The following DIPK1C variants were observed in gnomAD, a reference collection of about 807,000 sequenced individuals.
The protein encoded by DIPK1C is familial non-conventional Alzheimer's dementia.
In DIPK1C, 33 loss-of-function variants were observed where a neutral mutation model predicts 28.0. The ratio of observed to expected loss-of-function variants is 1.18; its 90% CI spans 0.89 to 1.58. DIPK1C has a LOEUF of 1.58. DIPK1C is among the 40% of genes most tolerant of loss of function. The probability of loss-of-function intolerance (pLI) is 0.00; values close to 1 mark genes in which losing one functional copy is unlikely to be tolerated. For synonymous variants in DIPK1C, 255 were observed against 248.8 expected, an observed-to-expected ratio of 1.02 and a Z score of -0.23; for missense variants, 569 against 568.5, an observed-to-expected ratio of 1.00 and a Z score of -0.01.
At chr18:74,462,595 C>T (rs188882283), upstream of DIPK1C, among the ~76,000 whole-genome samples, 3 of 151,538 alleles carry the variant, frequency 2.0e-5, no homozygotes, top group Admixed American at 6.6e-5. Flanking sequence ...CTTATGTGGA[C>T]GTATGTTTTT....
upstream of DIPK1C, among the ~76,000 whole-genome samples, chr18:74,457,520 CT>C (rs1162183720): frequency 1.3e-5 from 2 of 152,162 alleles, no homozygotes; most frequent in Non-Finnish European, 2.9e-5. Flanking sequence ...TCTTTTTGCA[CT>C]TTTTTCCCCC....
chr18:74,441,123 G>C (rs1052538900), intron 3 of DIPK1C, among the ~76,000 whole-genome samples: 1 of 152,166 alleles, frequency 6.6e-6, no homozygotes, highest in Admixed American at 6.5e-5. Flanking sequence ...CCTGCGTTTT[G>C]GGTCTGCAGT....
At chr18:74,454,438 C>T (rs1027953295) in intron 1 of DIPK1C, among the ~76,000 whole-genome samples, 12 of 152,198 alleles carry the variant, frequency 7.9e-5, no homozygotes, top group East Asian at 1.9e-4. Flanking sequence ...CCCCGCCAGG[C>T]GAGAGCCTGG....
chr18:74,442,545 G>A (rs1468797870), intron 2 of DIPK1C, among the ~76,000 whole-genome samples: 1 of 152,154 alleles, frequency 6.6e-6, no homozygotes, highest in Non-Finnish European at 1.5e-5. Context: ...TAGCCAGGAT[G>A]GTCTCGATCT....
At chr18:74,442,573 C>T (rs189162961) in intron 2 of DIPK1C, among the ~76,000 whole-genome samples, 54 of 152,348 alleles carry the variant, frequency 3.5e-4, no homozygotes, top group Admixed American at 9.1e-4. Flanking sequence ...TCCTGATCTG[C>T]CCGCCTCGGC....
chr18:74,452,799 G>T (rs1444083351), intron 1 of DIPK1C, among the ~76,000 whole-genome samples: 3 of 151,182 alleles, frequency 2.0e-5, no homozygotes, highest in African/African-American at 7.3e-5. Context: ...AAATAGCTGG[G>T]TTTTTTTTTA....
At chr18:74,452,360 G>T (rs1453485650) in intron 1 of DIPK1C, among the ~76,000 whole-genome samples, 1 of 152,090 alleles carries the variant, frequency 6.6e-6, no homozygotes, top group Non-Finnish European at 1.5e-5. Context: ...TGTTCTGCAT[G>T]TCTGTGCCTG....
upstream of DIPK1C, among the ~76,000 whole-genome samples, chr18:74,459,817 C>T (rs1051066221): frequency 6.6e-5 from 10 of 152,144 alleles, no homozygotes; most frequent in South Asian, 2.1e-4. Flanking sequence ...CCTTGTCCTG[C>T]GCCTCTTCCC....
rs1986072552 is a variant in DIPK1C, at chr18:74,439,567, G to A, written c.1041+2385C>T. ...GTGGTAGCTCAAGCCTGTAATCCCA[G>A]AATTTTGGGAGGCCAAGATGGGAGG... On this transcript the variant is annotated intron_variant, in intron 3 of 3. Transcript: ENST00000343998. Among the ~76,000 whole-genome samples, 3 of 152,188 alleles carry A rather than the reference G, an allele frequency of 2.0e-5. No homozygotes were observed. The South Asian group carries it at 6.2e-4, about 32-fold the overall frequency.
chr18:74,462,340 G>A (rs1452900010), upstream of DIPK1C, among the ~76,000 whole-genome samples: 5 of 152,180 alleles, frequency 3.3e-5, no homozygotes, highest in Admixed American at 6.5e-5. Flanking sequence ...CATAGAGCAG[G>A]CATCTTTTGC....
At chr18:74,438,703 C>G (rs1005309531) in intron 3 of DIPK1C, among the ~76,000 whole-genome samples, 30 of 152,160 alleles carry the variant, frequency 2.0e-4, no homozygotes, top group Non-Finnish European at 3.8e-4. Flanking sequence ...GGATATTGCC[C>G]TTGCTTTAGG....
At chr18:74,442,541 G>A (rs1484040522) in intron 2 of DIPK1C, among the ~76,000 whole-genome samples, 5 of 152,150 alleles carry the variant, frequency 3.3e-5, no homozygotes, top group African/African-American at 1.2e-4. Context: ...GTGTTAGCCA[G>A]GATGGTCTCG....
At chr18:74,461,099 G>A (rs992768060), upstream of DIPK1C, among the ~76,000 whole-genome samples, 5 of 152,210 alleles carry the variant, frequency 3.3e-5, no homozygotes, top group African/African-American at 1.2e-4. Flanking sequence ...GGACTCGGGT[G>A]AGAGCCATAG....
the DIPK1C span, among the ~76,000 whole-genome samples, chr18:74,463,014 A>G: frequency 6.6e-6 from 1 of 152,228 alleles, no homozygotes; most frequent in Non-Finnish European, 1.5e-5. Context: ...ACCTAGTGGC[A>G]AGAGCCTGCA....
intron 1 of DIPK1C, among the ~76,000 whole-genome samples, chr18:74,449,758 T>G (rs2288265): frequency 1.3e-3 from 190 of 151,776 alleles, no homozygotes; most frequent in African/African-American, 4.4e-3. Context: ...GAAACCCACA[T>G]CCTTTAGGAA....
Position 74,457,283 on chromosome 18 carries a change from C to T in DIPK1C, c.-24G>A. ...ATGGCCAGCCCTGCCCGCGCCCGGG[C>T]CCCACCGCCGCCCGCGCCCCGAGTT... On this transcript the variant is annotated 5_prime_UTR_variant, in exon 1 of 4. Transcript: ENST00000343998. 1 of 984,228 alleles carries T rather than the reference C, an allele frequency of 1.0e-6. No individual in the cohort carries two copies. The highest frequency in any genetic ancestry group is 1.2e-6 in the Non-Finnish European group (1 of 829,444). 61.0% of individuals were successfully genotyped at this position (984,228 alleles called of 1,614,324 possible). A position where few individuals can be genotyped will look rare whatever the true frequency, so the allele number is the denominator to read the frequency against.
chr18:74,439,532 A>G (rs1398179381), intron 3 of DIPK1C, among the ~76,000 whole-genome samples: 5 of 152,238 alleles, frequency 3.3e-5, no homozygotes, highest in Non-Finnish European at 5.9e-5. Context: ...GCAGAAAATT[A>G]AGGCTGGGTG....
chr18:74,438,932 C>T (rs996474075), intron 3 of DIPK1C, among the ~76,000 whole-genome samples: 1 of 152,228 alleles, frequency 6.6e-6, no homozygotes, highest in Admixed American at 6.5e-5. Context: ...AAGTGGGTCT[C>T]CCCTTGGCGA....
At position 74,446,857 on chromosome 18, in the gene DIPK1C, C is replaced by A. The variant is rs536902218; in HGVS notation, c.625G>T (p.Val209Leu). ...FSLLQDLSPH[V>L]LPVLGSCGHF... ...CCGCAGGAACCCAGCACGGGCAGCA[C>A]GTGTGGGCTCAGGTCCTGCAGCAGG... The change falls in exon 2 of 4, where the codon GTG becomes TTG. Residue 209 changes from valine (V) to leucine (L), a missense_variant. Coordinates refer to ENST00000343998, the MANE Select transcript of DIPK1C (RefSeq NM_001044369.3). 9.9e-6 allele frequency: 15 copies of A among 1,514,232 alleles called. No homozygotes were observed. In the Admixed American group the frequency reaches 2.4e-4, roughly 24 times the overall value. The allele number at this position is 1,514,232 out of a possible 1,614,324, so 93.8% of individuals were successfully genotyped here.
Sources: gnomAD v4.1 joint callset for allele counts (sites outside exome capture counted in the v4.1 genomes callset) on GRCh38, gnomAD v4.1.1 for gene constraint, MANE v1.5 for transcripts, NCBI Gene and HGNC (gene_info 2026-07-23, HGNC 2026-07-21) for gene names.